The following ETNK1 variants were observed in gnomAD, a reference collection of about 807,000 sequenced individuals.
ETNK1 encodes putative protein product of Nbla10396.
ETNK1 carries 8 observed loss-of-function variants against 45.1 expected under a neutral mutation model. The observed-to-expected ratio is 0.18, with a 90% confidence interval of 0.10 to 0.32. The LOEUF (loss-of-function observed/expected upper bound fraction) is 0.32. Ranked by LOEUF, ETNK1 falls within the 10% of genes least tolerant of loss-of-function variation. The pLI, the probability that ETNK1 is intolerant of heterozygous loss-of-function variation, is 1.00. For synonymous variants in ETNK1, 152 were observed against 151.9 expected (o/e 1.00, Z -0.01); for missense variants, 302 against 430.6 (o/e 0.70, Z 2.64).
chr12:22,674,566 GT>G lies in ETNK1; in HGVS notation c.945+907del, dbSNP rs770856554. On this transcript the variant is annotated intron_variant, in intron 6 of 7. Transcript: ENST00000266517. ...CAATTAATGACATGCTCTACAGCTG[GT>G]CCTAGGATGCCTGCTTTTCTATTTA... is the stretch of plus-strand genomic sequence containing the variant. Among the ~76,000 whole-genome samples, 3 of 152,160 alleles carry G rather than the reference GT, an allele frequency of 2.0e-5. No individual in the cohort carries two copies. The East Asian group carries it at 5.8e-4, about 29-fold the overall frequency.
At chr12:22,671,231 T>C (rs1954103978) in intron 4 of ETNK1, 41 bp from the exon 5 acceptor site, 4 of 1,327,408 alleles carry the variant, frequency 3.0e-6, no homozygotes, top group Admixed American at 3.4e-5. Flanking sequence ...TCTGATCTTA[T>C]ATGTGATTTC....
chr12:22,651,509 G>A (rs535625786), intron 2 of ETNK1, among the ~76,000 whole-genome samples: 1 of 152,084 alleles, frequency 6.6e-6, no homozygotes, highest in South Asian at 2.1e-4. Flanking sequence ...AGTCCTTACC[G>A]AGAACTCCTT....
At chr12:22,653,131 T>G (rs922477747) in intron 2 of ETNK1, among the ~76,000 whole-genome samples, 2 of 152,094 alleles carry the variant, frequency 1.3e-5, no homozygotes, top group African/African-American at 4.8e-5. Flanking sequence ...CTTTCCTCAT[T>G]TAAGGTTCTT....
At position 22,673,580 on chromosome 12, in the gene ETNK1, A is replaced by G. The variant is rs1319585060; in HGVS notation, c.865A>G (p.Lys289Glu). Residue 289 changes from lysine (K) to glutamate (E), a missense_variant, in exon 6 of 8, where the codon AAA (lysine) becomes GAA (glutamate). By Grantham distance (56) the Lys-to-Glu change is moderately conservative. Transcript: ENST00000266517. Reference protein sequence around the residue: ...QWLRAYLEAYKEFKGFGTEVT... With the variant: ...QWLRAYLEAYEEFKGFGTEVT... ...GCTGCGTGCTTACCTTGAAGCCTAC[A>G]AAGAATTTAAGGGCTTTGGGACTGA... 6.2e-7 allele frequency: 1 copy of G among 1,613,832 alleles called. No individual in the cohort carries two copies. Among genetic ancestry groups the G allele is most frequent in the Non-Finnish European group, 8.5e-7 (1 of 1,179,870 alleles).
chr12:22,657,710 A>T (rs1417044468), intron 2 of ETNK1, among the ~76,000 whole-genome samples: 2 of 152,166 alleles, frequency 1.3e-5, no homozygotes, highest in Non-Finnish European at 2.9e-5. Context: ...TGTGGCCTGA[A>T]TGATAGAATG....
intron 2 of ETNK1, chr12:22,644,270 G>T: frequency 6.2e-7 from 1 of 1,608,582 alleles, no homozygotes; most frequent in Non-Finnish European, 8.5e-7. Flanking sequence ...TTAACCGGCT[G>T]CAGAGGGTCA....
chr12:22,653,748 C>G (rs1254249053), intron 2 of ETNK1, among the ~76,000 whole-genome samples: 1 of 152,040 alleles, frequency 6.6e-6, no homozygotes, highest in African/African-American at 2.4e-5. Context: ...TGTAAATTTT[C>G]TTAAAATCAT....
chr12:22,668,904 C>T (rs577129827), intron 4 of ETNK1, among the ~76,000 whole-genome samples: 15 of 152,220 alleles, frequency 9.9e-5, no homozygotes, highest in African/African-American at 2.6e-4. Context: ...TGTATTTACT[C>T]TACAAGCAGG....
intron 4 of ETNK1, among the ~76,000 whole-genome samples, chr12:22,661,483 A>G (rs551127350): frequency 8.5e-5 from 13 of 152,298 alleles, no homozygotes; most frequent in African/African-American, 3.1e-4. Flanking sequence ...TGATTTGTTT[A>G]TAAATTTAAT....
chr12:22,675,418 C>A (rs144847831), intron 6 of ETNK1, among the ~76,000 whole-genome samples: 1 of 151,806 alleles, frequency 6.6e-6, no homozygotes, highest in Non-Finnish European at 1.5e-5. Context: ...TGCAGTGGTA[C>A]GATCATAGCT....
chr12:22,661,023 A>T, intron 3 of ETNK1, 40 bp from the exon 4 acceptor site: 1 of 1,564,496 alleles, frequency 6.4e-7, no homozygotes, highest in Non-Finnish European at 8.6e-7. Context: ...ACTTGAAAAA[A>T]ATGTCACACA....
chr12:22,662,579 G>A (rs1444182295), intron 4 of ETNK1, among the ~76,000 whole-genome samples: 1 of 151,874 alleles, frequency 6.6e-6, no homozygotes. Flanking sequence ...ATTTGTTTTT[G>A]TGGAGATGGA....
rs12824640 is a variant in ETNK1 at position 22,632,506 on chromosome 12, A to T, written c.156+6920A>T. 9.8e-3 allele frequency among the ~76,000 whole-genome samples: 1,481 copies of T among 151,330 alleles called. 12 individuals carry two copies. Among genetic ancestry groups the T allele is most frequent in the Non-Finnish European group, 0.015 (1,043 of 67,958 alleles). ...ACTTAGTTATTATTTATTATTTTTTAAATTTTTACTTTTTTTTTTAAGAGA... is the reference window on the plus strand; with the variant it reads ...ACTTAGTTATTATTTATTATTTTTTTAATTTTTACTTTTTTTTTTAAGAGA... On this transcript the variant is annotated intron_variant, in intron 1 of 7. Transcript: ENST00000266517.
At chr12:22,636,506 G>A (rs1038018614) in intron 1 of ETNK1, among the ~76,000 whole-genome samples, 2 of 151,934 alleles carry the variant, frequency 1.3e-5, no homozygotes, top group Non-Finnish European at 2.9e-5. Flanking sequence ...ATTATAAAAT[G>A]TCCCTCCTTA....
chr12:22,643,709 C>T lies in ETNK1; in HGVS notation c.157-54C>T, dbSNP rs902485167. On this transcript the variant is annotated intron_variant, in intron 1 of 7. Coordinates refer to ENST00000266517, the MANE Select transcript of ETNK1 (RefSeq NM_018638.5). ...CATGATTTTCAATTTATCTCCTGTT[C>T]TCTAAAGATAGATAATTGCTTTTTT... 5 of 1,461,350 alleles carry T rather than the reference C, an allele frequency of 3.4e-6. No individual in the cohort carries two copies. The East Asian group carries it at 1.2e-4, about 34-fold the overall frequency. 90.5% of individuals were successfully genotyped at this position (1,461,350 alleles called of 1,614,324 possible). A position where few individuals can be genotyped will look rare whatever the true frequency, so the allele number is the denominator to read the frequency against.
intron 1 of ETNK1, among the ~76,000 whole-genome samples, chr12:22,628,134 C>A (rs1352615068): frequency 6.6e-6 from 1 of 152,034 alleles, no homozygotes; most frequent in Non-Finnish European, 1.5e-5. Context: ...TAATCCTTTA[C>A]TGTTTATAAA....
At chr12:22,644,352 A>G (rs1002556340) in intron 2 of ETNK1, 2 of 1,478,948 alleles carry the variant, frequency 1.4e-6, no homozygotes, top group Non-Finnish European at 1.8e-6. Flanking sequence ...CCGATTGCTT[A>G]TTACTTAATT....
At chr12:22,663,141 T>C (rs1954023414) in intron 4 of ETNK1, among the ~76,000 whole-genome samples, 5 of 152,210 alleles carry the variant, frequency 3.3e-5, no homozygotes, top group Admixed American at 3.3e-4. Context: ...TCTTATTGTC[T>C]GTTATATATA....
chr12:22,637,964 G>A (rs764134457), intron 1 of ETNK1, among the ~76,000 whole-genome samples: 13 of 151,964 alleles, frequency 8.6e-5, no homozygotes, highest in Admixed American at 3.3e-4. Flanking sequence ...TTTAAGAATG[G>A]TATTTAAAAA....
Sources: gnomAD v4.1 joint callset for allele counts (sites outside exome capture counted in the v4.1 genomes callset) on GRCh38, gnomAD v4.1.1 for gene constraint, MANE v1.5 for transcripts, NCBI Gene and HGNC (gene_info 2026-07-23, HGNC 2026-07-21) for gene names.